MACC1: variants seen among roughly 807,000 people sequenced by gnomAD.
The protein encoded by MACC1 is metastasis-associated in colon cancer protein 1.
MACC1 carries 79 observed loss-of-function variants against 70.7 expected under a neutral mutation model. The observed-to-expected ratio is 1.12, with a 90% CI of 0.93 to 1.35. The LOEUF (loss-of-function observed/expected upper bound fraction) is 1.35. Ranked by LOEUF, MACC1 falls within the 40% of genes most tolerant of loss-of-function variation. MACC1 has a pLI of 0.00. For missense variants in MACC1, 1,106 were observed against 978.1 expected (o/e 1.13, Z -1.74); for synonymous variants, 361 against 347.2 (o/e 1.04, Z -0.44).
At chr7:20,186,296 T>G (rs1468479578) in intron 1 of MACC1, among the ~76,000 whole-genome samples, 1 of 152,168 alleles carries the variant, frequency 6.6e-6, no homozygotes, top group Non-Finnish European at 1.5e-5. Context: ...GTGAGGTATT[T>G]ATGACCAACA....
rs144975611 is a variant in MACC1, at chr7:20,188,281, C to G, written c.-217-17503G>C. Among the ~76,000 whole-genome samples the G allele has an allele frequency of 3.2e-4, 48 of 152,238 alleles. 3 individuals are homozygous for G. Among genetic ancestry groups the G allele is most frequent in the African/African-American group, 1.1e-3 (44 of 41,566 alleles). On this transcript the variant is annotated intron_variant, in intron 1 of 6. Transcript: ENST00000400331. ...TTCAACCTGGTTCTAACAAAACATT[C>G]TTTTGACTTCCTGTATTTGAACCCC...
At chr7:20,187,532 C>A (rs561771039) in intron 1 of MACC1, among the ~76,000 whole-genome samples, 19 of 152,288 alleles carry the variant, frequency 1.2e-4, no homozygotes, top group Admixed American at 5.9e-4. Flanking sequence ...GTCAGAGTGA[C>A]CTTCGTGCAT....
At chr7:20,197,581 C>T (rs945778939) in intron 1 of MACC1, among the ~76,000 whole-genome samples, 2 of 152,164 alleles carry the variant, frequency 1.3e-5, no homozygotes, top group East Asian at 1.9e-4. Context: ...AACATGTTCT[C>T]GTACGCCTAC....
intron 1 of MACC1, among the ~76,000 whole-genome samples, chr7:20,189,107 T>A (rs995915833): frequency 2.0e-5 from 3 of 152,226 alleles, no homozygotes; most frequent in African/African-American, 4.8e-5. Context: ...ATATGTGTGA[T>A]GTCTTCCTCA....
rs1289702415 is a variant in MACC1 at position 20,134,833 on chromosome 7, C to A, written c.*6113G>T. ...GAGAAAAGGAAGCCATAGATTCTTC[C>A]AATCACCCAAAGAAAAACAATTAAC... is the stretch of plus-strand genomic sequence containing the variant. On this transcript the variant is annotated 3_prime_UTR_variant, in exon 7 of 7. Coordinates refer to ENST00000400331, the MANE Select transcript of MACC1 (RefSeq NM_182762.4). 6.6e-6 allele frequency: 1 copy of A among 152,102 alleles called. No homozygotes were observed. The allele number at this position is 152,102 out of a possible 1,614,324, so 9.4% of individuals were successfully genotyped here.
chr7:20,170,907 G>C (rs1782294494), intron 1 of MACC1, 129 bp from the exon 2 acceptor site: 1 of 152,162 alleles, frequency 6.6e-6, no homozygotes, highest in African/African-American at 2.4e-5. Context: ...ATTAAAGAGA[G>C]ACTCATTACA....
chr7:20,159,655 C>T lies in MACC1; in HGVS notation c.706G>A (p.Val236Met). 1 of 1,614,186 alleles carries T rather than the reference C, an allele frequency of 6.2e-7. No homozygotes were observed. Among genetic ancestry groups the T allele is most frequent in the Non-Finnish European group, 8.5e-7 (1 of 1,180,030 alleles). The change falls in exon 5 of 7, where the codon GTG becomes ATG. Residue 236 changes from valine (V) to methionine (M), a missense_variant. Val to Met is a conservative substitution (Grantham distance 21). Transcript: ENST00000400331. ...QLPESDITVH[V>M]PQGHVAVGEF... ...CCCACAGCCACATGACCTTGGGGCA[C>T]ATGAACAGTGATGTCTGATTCAGGT...
chr7:20,161,899 G>GT, intron 3 of MACC1, 29 bp from the exon 4 acceptor site: 1 of 1,343,208 alleles, frequency 7.4e-7, no homozygotes, highest in Non-Finnish European at 1.1e-6. Flanking sequence ...AGTATTTTTT[G>GT]TAAGCATACA....
chr7:20,210,518 T>C (rs535357715), intron 1 of MACC1, among the ~76,000 whole-genome samples: 1 of 152,370 alleles, frequency 6.6e-6, no homozygotes, highest in South Asian at 2.1e-4. Context: ...AATGAATGAA[T>C]GACGCTACCT....
At chr7:20,155,379 C>G (rs767171068) in intron 5 of MACC1, among the ~76,000 whole-genome samples, 1 of 152,058 alleles carries the variant, frequency 6.6e-6, no homozygotes, top group East Asian at 1.9e-4. Context: ...ATAAATTAGG[C>G]GCAGTAAGAG....
At position 20,168,686 on chromosome 7, in the gene MACC1, G is replaced by T. The variant is rs1583393428; in HGVS notation, c.-153+2028C>A. ...TCTGTCAAGTCAGGTGGAGAAGAGT[G>T]GGCCCAGCTAGACAGCTATCTGCCT... On this transcript the variant is annotated intron_variant, in intron 2 of 6. Coordinates refer to ENST00000400331, the MANE Select transcript of MACC1 (RefSeq NM_182762.4). Among the ~76,000 whole-genome samples the T allele has an allele frequency of 2.0e-5, 3 of 152,266 alleles. No individual in the cohort carries two copies. In the South Asian group the frequency reaches 6.2e-4, roughly 32 times the overall value.
intron 1 of MACC1, among the ~76,000 whole-genome samples, chr7:20,182,111 T>C (rs1782518393): frequency 1.4e-5 from 2 of 143,824 alleles, no homozygotes; most frequent in South Asian, 4.4e-4. Context: ...AAACACCACG[T>C]GTTCTCACTC....
intron 1 of MACC1, among the ~76,000 whole-genome samples, chr7:20,178,825 C>T (rs556801515): frequency 6.6e-6 from 1 of 152,270 alleles, no homozygotes; most frequent in South Asian, 2.1e-4. Flanking sequence ...GTCTCGAACT[C>T]CTGACCTCAG....
At chr7:20,193,884 AT>A (rs1241809329) in intron 1 of MACC1, among the ~76,000 whole-genome samples, 2 of 150,470 alleles carry the variant, frequency 1.3e-5, no homozygotes, top group East Asian at 3.9e-4. Flanking sequence ...TGCCATCTTT[AT>A]TCCCCCGCCC....
Position 20,160,206 on chromosome 7 carries a change from G to A in MACC1, c.155C>T (p.Ala52Val). 6.3e-7 allele frequency: 1 copy of A among 1,591,680 alleles called. No individual in the cohort carries two copies. The highest frequency in any genetic ancestry group is 8.5e-7 in the Non-Finnish European group (1 of 1,172,914). ...DPDLLHNWPD[A>V]FTLRGNNASK... ...AGCATTATTACCACGAAGGGTGAAAGCATCCGGCCAATTGTGAAGCAAGTC... is the reference window on the plus strand; with the variant it reads ...AGCATTATTACCACGAAGGGTGAAAACATCCGGCCAATTGTGAAGCAAGTC... Residue 52 changes from alanine (A) to valine (V), a missense_variant, in exon 5 of 7, where the codon GCT becomes GTT. Ala to Val is a moderately conservative substitution (Grantham distance 64). Transcript: ENST00000400331.
intron 3 of MACC1, among the ~76,000 whole-genome samples, chr7:20,163,110 A>G (rs1277729958): frequency 6.6e-6 from 1 of 152,198 alleles, no homozygotes; most frequent in Admixed American, 6.5e-5. Flanking sequence ...AAATTTTTGA[A>G]AAAATTCTCT....
Position 20,158,755 on chromosome 7 carries a change from T to G in MACC1, c.1606A>C (p.Ile536Leu). The change falls in exon 5 of 7, where the codon ATT becomes CTT. Residue 536 changes from isoleucine (I) to leucine (L), a missense_variant. By Grantham distance (5) the Ile-to-Leu change is conservative (BLOSUM62 2). Transcript: ENST00000400331. ...TGAAATGTAGGATATTTAACAAGAA[T>G]TTTTGGTGATAAAGGAGCAGACTTG... Reference protein sequence around the residue: ...EIKSAPLSPKILVKYPTFQDK... With the variant: ...EIKSAPLSPKLLVKYPTFQDK... The G allele has an allele frequency of 6.2e-7, 1 of 1,613,962 alleles. No individual in the cohort carries two copies.
intron 1 of MACC1, among the ~76,000 whole-genome samples, chr7:20,205,949 T>A (rs1782905174): frequency 6.6e-6 from 1 of 152,140 alleles, no homozygotes; most frequent in African/African-American, 2.4e-5. Context: ...TTCTTCCTTA[T>A]CTCTATCAAC....
In MACC1 at chr7:20,140,987, C is replaced by G. The variant is rs1781791557; in HGVS notation, c.2518G>C (p.Val840Leu). ...GTGGAGAATGCAGTTACTCTCAAAA[C>G]CTCCAAAGAATTTACTAGTATTAAA... is the stretch of plus-strand genomic sequence containing the variant. ...GVLILVNSLEVLRVTAFSTSE... is the reference protein window; with the variant it reads ...GVLILVNSLELLRVTAFSTSE... Residue 840 changes from valine to leucine, a missense_variant, in exon 7 of 7, where the codon GTT becomes CTT. Physicochemically the swap from Val to Leu is conservative, Grantham distance 32. Transcript: ENST00000400331. The G allele has an allele frequency of 1.9e-6, 3 of 1,613,662 alleles. No individual in the cohort carries two copies. The highest frequency in any genetic ancestry group is 1.7e-5 in the Admixed American group (1 of 59,954).
Sources: gnomAD v4.1 joint callset for allele counts (sites outside exome capture counted in the v4.1 genomes callset) on GRCh38, gnomAD v4.1.1 for gene constraint, MANE v1.5 for transcripts, NCBI Gene and HGNC (gene_info 2026-07-23, HGNC 2026-07-21) for gene names.